Variants in BBS9 observed in about 807,000 individuals in gnomAD.
BBS9 encodes the protein Bardet-Biedl syndrome 9.
Under a neutral mutation model 117.7 loss-of-function variants are expected in BBS9, and 89 were observed. The ratio of observed to expected loss-of-function variants is 0.76; its 90% CI spans 0.64 to 0.90. BBS9 has a LOEUF of 0.90. Ranked by LOEUF, BBS9 falls within the 40% of genes least tolerant of loss-of-function variation. The pLI is 0.00. For synonymous variants in BBS9, 379 were observed against 370.9 expected (o/e 1.02, Z -0.25); for missense variants, 982 against 1,042.2 (o/e 0.94, Z 0.80).
chr7:33,556,480 A>T (rs1191081328), intron 21 of BBS9, among the ~76,000 whole-genome samples: 1 of 152,232 alleles, frequency 6.6e-6, no homozygotes, highest in Non-Finnish European at 1.5e-5. Flanking sequence ...TTCTCAAATT[A>T]GCCTCAGAAA....
chr7:33,520,255 A>T (rs936214582), intron 20 of BBS9, among the ~76,000 whole-genome samples: 15 of 152,012 alleles, frequency 9.9e-5, no homozygotes, highest in South Asian at 6.2e-4. Flanking sequence ...CTTGTGATCT[A>T]CCTGCCTCGG....
intron 21 of BBS9, among the ~76,000 whole-genome samples, chr7:33,615,811 A>G (rs1472249763): frequency 1.4e-4 from 21 of 152,120 alleles, no homozygotes. Context: ...AATTCTTGAA[A>G]GAAGCTAGAG....
rs1554506932 is a variant in BBS9, at chr7:33,492,218, A to AAC, written c.2116-13244_2116-13243insCA. 7.4e-5 allele frequency among the ~76,000 whole-genome samples: 11 copies of AAC among 149,464 alleles called. 1 individual carries two copies. The highest frequency in any genetic ancestry group is 6.3e-4 in the South Asian group (3 of 4,770). Reference sequence around the variant, plus strand: ...ATTCCACCTCGAAAAAAAAAACAAAAAAAAAACAAAAAAAAAACTTGGTTG... The same window carrying AAC: ...ATTCCACCTCGAAAAAAAAAACAAAAACAAAAAACAAAAAAAAAACTTGGTTG... On this transcript the variant is annotated intron_variant, in intron 19 of 22. Transcript: ENST00000242067.
intron 5 of BBS9, among the ~76,000 whole-genome samples, chr7:33,244,366 C>G (rs1795011996): frequency 6.6e-6 from 1 of 152,202 alleles, no homozygotes; most frequent in African/African-American, 2.4e-5. Context: ...CACTGTTTTA[C>G]TGAGTACTTT....
chr7:33,520,940 C>T (rs1327292833), intron 20 of BBS9, among the ~76,000 whole-genome samples: 1 of 152,158 alleles, frequency 6.6e-6, no homozygotes, highest in Non-Finnish European at 1.5e-5. Flanking sequence ...AATTTACCAC[C>T]ACCAGAAACA....
chr7:33,332,873 CCATTTTAAG>C (rs1380968903), intron 9 of BBS9, among the ~76,000 whole-genome samples: 1 of 151,958 alleles, frequency 6.6e-6, no homozygotes, highest in Non-Finnish European at 1.5e-5. Flanking sequence ...ATAAAATTTA[CCATTTTAAG>C]CATTTTAAAA....
intron 21 of BBS9, among the ~76,000 whole-genome samples, chr7:33,596,391 C>CTATT (rs968148294): frequency 6.6e-6 from 1 of 150,410 alleles, no homozygotes; most frequent in Non-Finnish European, 1.5e-5. Flanking sequence ...ATCTATCTAT[C>CTATT]TATATATAAT....
chr7:33,172,599 A>G (rs1796758408), intron 4 of BBS9, among the ~76,000 whole-genome samples: 1 of 152,210 alleles, frequency 6.6e-6, no homozygotes, highest in Non-Finnish European at 1.5e-5. Context: ...TCACAGACAC[A>G]TAACACACAT....
At chr7:33,364,782 G>T (rs11769334) in intron 16 of BBS9, among the ~76,000 whole-genome samples, 22,850 of 147,934 alleles carry the variant, frequency 0.15, 2,203 homozygotes, top group Non-Finnish European at 0.2. Flanking sequence ...AGGCTGGAGT[G>T]CAGTGGCATG....
chr7:33,202,811 G>A (rs989986539), intron 5 of BBS9, among the ~76,000 whole-genome samples: 4 of 152,060 alleles, frequency 2.6e-5, no homozygotes, highest in Non-Finnish European at 4.4e-5. Context: ...TGGTGGGGGG[G>A]AACACAAGTC....
intron 21 of BBS9, among the ~76,000 whole-genome samples, chr7:33,540,281 G>A (rs1202555291): frequency 6.6e-6 from 1 of 152,082 alleles, no homozygotes; most frequent in African/African-American, 2.4e-5. Context: ...ATACATTTCA[G>A]ACAAATAAGG....
At chr7:33,463,063 G>C (rs980638570) in intron 19 of BBS9, among the ~76,000 whole-genome samples, 2 of 151,990 alleles carry the variant, frequency 1.3e-5, no homozygotes, top group African/African-American at 4.8e-5. Flanking sequence ...AGGCCTGGAG[G>C]GTCTGCCTAA....
chr7:33,208,379 C>T (rs375399591), intron 5 of BBS9, among the ~76,000 whole-genome samples: 2 of 152,248 alleles, frequency 1.3e-5, no homozygotes, highest in South Asian at 4.2e-4. Context: ...ATTCGTGTTC[C>T]CAGAGGCTGC....
intron 19 of BBS9, among the ~76,000 whole-genome samples, chr7:33,504,776 A>C (rs1845912416): frequency 2.0e-5 from 3 of 152,232 alleles, no homozygotes; most frequent in East Asian, 3.9e-4. Flanking sequence ...AGATGAAAAA[A>C]AGTCAATTCT....
chr7:33,410,023 T>G (rs1830826316), intron 19 of BBS9, among the ~76,000 whole-genome samples: 1 of 152,170 alleles, frequency 6.6e-6, no homozygotes, highest in Non-Finnish European at 1.5e-5. Flanking sequence ...TGTTGTGAAA[T>G]TTACTTATAT....
intron 19 of BBS9, among the ~76,000 whole-genome samples, chr7:33,399,017 C>G (rs973474531): frequency 2.0e-5 from 3 of 152,186 alleles, no homozygotes; most frequent in Non-Finnish European, 4.4e-5. Context: ...TTCAATATAT[C>G]ATTTCAACAT....
intron 19 of BBS9, among the ~76,000 whole-genome samples, chr7:33,470,541 G>A (rs1175595426): frequency 6.6e-6 from 1 of 151,966 alleles, no homozygotes; most frequent in Non-Finnish European, 1.5e-5. Context: ...AGCAAGCTTT[G>A]TTCCTCTATT....
At chr7:33,358,045 T>C (rs753551692) in intron 16 of BBS9, 50 bp downstream of exon 16, 1 of 1,575,634 alleles carries the variant, frequency 6.3e-7, no homozygotes, top group South Asian at 1.1e-5. Context: ...GCTAAGAATT[T>C]AGAATGGAAT....
At chr7:33,269,001 C>G (rs1279527844) in intron 7 of BBS9, among the ~76,000 whole-genome samples, 1 of 152,198 alleles carries the variant, frequency 6.6e-6, no homozygotes, top group East Asian at 1.9e-4. Flanking sequence ...AAATAGTAAT[C>G]AAATAATTTC....
Sources: allele counts gnomAD v4.1 joint callset (sites outside exome capture counted in the v4.1 genomes callset), GRCh38; gene constraint gnomAD v4.1.1; transcripts MANE v1.5; gene names NCBI Gene and HGNC (gene_info 2026-07-23, HGNC 2026-07-21).